GRIA1: variants seen among roughly 807,000 people sequenced by gnomAD.
The protein encoded by GRIA1 is glutamate receptor 1.
Under a neutral mutation model 99.2 loss-of-function variants are expected in GRIA1, and 31 were observed. The ratio of observed to expected loss-of-function variants is 0.31; its 90% CI spans 0.23 to 0.42. The LOEUF (loss-of-function observed/expected upper bound fraction) is 0.42, where lower values mean the gene tolerates loss of function less well. GRIA1 is among the 10% of genes least tolerant of loss of function. The probability of loss-of-function intolerance (pLI) is 1.00; values close to 1 mark genes in which losing one functional copy is unlikely to be tolerated. For missense variants in GRIA1, 782 were observed against 1,157.5 expected, an observed-to-expected ratio of 0.68 and a Z score of 4.71; for synonymous variants, 438 against 432.4, an observed-to-expected ratio of 1.01 and a Z score of -0.16.
rs1766545398 is a variant in GRIA1, at chr5:153,807,845, C to G, written c.2521-3180C>G. On this transcript the variant is annotated intron_variant, in intron 15 of 15. Transcript: ENST00000285900. ...GCAAAGTATTATTCACCACCTCATT[C>G]CCAAAGGAAAATAATCCCCAGCCTC... is the stretch of plus-strand genomic sequence containing the variant. 2.0e-5 allele frequency among the ~76,000 whole-genome samples: 3 copies of G among 152,196 alleles called. No individual in the cohort carries two copies. The South Asian group carries it at 6.2e-4, about 31-fold the overall frequency.
In GRIA1 at chr5:153,518,116, A is replaced by G. The variant is rs138854170; in HGVS notation, c.220+24051A>G. Among the ~76,000 whole-genome samples the G allele has an allele frequency of 2.7e-3, 417 of 152,300 alleles. 1 individual carries two copies. The highest frequency in any genetic ancestry group is 9.5e-3 in the African/African-American group (395 of 41,558). On this transcript the variant is annotated intron_variant, in intron 2 of 15. Transcript: ENST00000285900. ...CTATTCAGGTCCCAATTCCCACGTTACTTTCTCAGAGAGTGTTCCCTGAAC... is the reference window on the plus strand; with the variant it reads ...CTATTCAGGTCCCAATTCCCACGTTGCTTTCTCAGAGAGTGTTCCCTGAAC...
At position 153,701,619 on chromosome 5, in the gene GRIA1, CAA is replaced by C. The variant is rs70978504; in HGVS notation, c.1452+2568_1452+2569del. ...CTGGGCGACAAAGCGAGACCCGTCT[CAA>C]AAAAAAAAAAAAAAAAAAAAATACT... is the stretch of plus-strand genomic sequence containing the variant. On this transcript the variant is annotated intron_variant, in intron 10 of 15. Coordinates refer to ENST00000285900, the MANE Select transcript of GRIA1 (RefSeq NM_000827.4). Among the ~76,000 whole-genome samples the C allele has an allele frequency of 2.8e-3, 109 of 39,402 alleles. 2 individuals carry two copies. Among genetic ancestry groups the C allele is most frequent in the Admixed American group, 5.4e-3 (13 of 2,404 alleles). The allele number at this position is 39,402 out of a possible 152,430, so 25.8% of individuals were successfully genotyped here. A position where few individuals can be genotyped will look rare whatever the true frequency, so the allele number is the denominator to read the frequency against.
chr5:153,610,752 T>C (rs1765909794), intron 2 of GRIA1, among the ~76,000 whole-genome samples: 2 of 152,208 alleles, frequency 1.3e-5, no homozygotes, highest in African/African-American at 4.8e-5. Flanking sequence ...TCCAAGGGTT[T>C]TTGTGAGGAT....
intron 2 of GRIA1, among the ~76,000 whole-genome samples, chr5:153,596,215 A>ACAAGG (rs959446007): frequency 4.6e-5 from 7 of 152,240 alleles, no homozygotes; most frequent in African/African-American, 9.6e-5. Context: ...ACAGGGTATA[A>ACAAGG]CAAGTATGCA....
chr5:153,695,444 C>T (rs1253219301), intron 8 of GRIA1, among the ~76,000 whole-genome samples: 2 of 152,136 alleles, frequency 1.3e-5, no homozygotes, highest in African/African-American at 2.4e-5. Context: ...ATGAGGAAGC[C>T]AGAGCTCTCT....
rs1407515360 is a variant in GRIA1, at chr5:153,534,195, C to T, written c.220+40130C>T. Reference sequence around the variant, plus strand: ...TCCTTTTTTCTTTTTTCTGTGCCTCCTCTCCTTACTTTCCTCTGAAACTTA... The same window carrying T: ...TCCTTTTTTCTTTTTTCTGTGCCTCTTCTCCTTACTTTCCTCTGAAACTTA... On this transcript the variant is annotated intron_variant, in intron 2 of 15. Transcript: ENST00000285900. Among the ~76,000 whole-genome samples, 3 of 152,334 alleles carry T rather than the reference C, an allele frequency of 2.0e-5. No individual in the cohort carries two copies. The South Asian group carries it at 6.2e-4, about 32-fold the overall frequency.
At chr5:153,625,872 T>C (rs1767550417) in intron 2 of GRIA1, among the ~76,000 whole-genome samples, 1 of 152,212 alleles carries the variant, frequency 6.6e-6, no homozygotes, top group Non-Finnish European at 1.5e-5. Context: ...ATTCTGTATA[T>C]GAGGAAACTG....
intron 5 of GRIA1, among the ~76,000 whole-genome samples, chr5:153,661,429 T>C (rs1755363228): frequency 6.6e-6 from 1 of 152,190 alleles, no homozygotes; most frequent in Non-Finnish European, 1.5e-5. Flanking sequence ...CTAAGTGAGA[T>C]CCCTCAACGC....
At chr5:153,774,060 C>T (rs1375939475) in intron 13 of GRIA1, among the ~76,000 whole-genome samples, 2 of 72,564 alleles carry the variant, frequency 2.8e-5, no homozygotes, top group African/African-American at 5.4e-5. Context: ...CTCTCCTACA[C>T]CCCAACCCCC....
intron 2 of GRIA1, among the ~76,000 whole-genome samples, chr5:153,580,897 T>G (rs1561660554): frequency 6.6e-6 from 1 of 152,206 alleles, no homozygotes; most frequent in Non-Finnish European, 1.5e-5. Flanking sequence ...CTGACTTTGA[T>G]GTTGCACGTG....
At chr5:153,524,496 G>C (rs6881652) in intron 2 of GRIA1, among the ~76,000 whole-genome samples, 4 of 152,154 alleles carry the variant, frequency 2.6e-5, no homozygotes, top group African/African-American at 9.7e-5. Context: ...CATCTATAAG[G>C]ATGAATAAAC....
intron 13 of GRIA1, among the ~76,000 whole-genome samples, chr5:153,778,190 AGAGTGTGT>A (rs202007416): frequency 0.072 from 10,119 of 141,286 alleles, 369 homozygotes; most frequent in Non-Finnish European, 0.089. Flanking sequence ...AGAGAGAGAG[AGAGTGTGT>A]GTGTGTGTGT....
intron 11 of GRIA1, among the ~76,000 whole-genome samples, chr5:153,714,608 C>G (rs776629800): frequency 6.6e-6 from 1 of 152,224 alleles, no homozygotes; most frequent in African/African-American, 2.4e-5. Flanking sequence ...TATATGGCAT[C>G]TGTGACCAAG....
intron 2 of GRIA1, among the ~76,000 whole-genome samples, chr5:153,597,087 CTTT>C (rs901959001): frequency 4.6e-5 from 7 of 152,202 alleles, no homozygotes; most frequent in African/African-American, 1.7e-4. Context: ...AGGAAAGCTT[CTTT>C]AAGGTCCTTT....
At chr5:153,648,170 A>G (rs1754296569) in intron 3 of GRIA1, among the ~76,000 whole-genome samples, 1 of 152,192 alleles carries the variant, frequency 6.6e-6, no homozygotes, top group African/African-American at 2.4e-5. Flanking sequence ...GCAGTTAGGC[A>G]GGCGTCGTTC....
At chr5:153,503,516 G>C (rs2113257300) in intron 2 of GRIA1, among the ~76,000 whole-genome samples, 1 of 152,262 alleles carries the variant, frequency 6.6e-6, no homozygotes, top group South Asian at 2.1e-4. Flanking sequence ...ATGCACATAA[G>C]TAAAATGTAA....
intron 14 of GRIA1, among the ~76,000 whole-genome samples, chr5:153,801,958 G>T (rs1766062592): frequency 1.4e-5 from 2 of 145,002 alleles, no homozygotes; most frequent in Admixed American, 1.4e-4. Flanking sequence ...GGGGCGGGGG[G>T]GGGCGGGGGG....
At chr5:153,720,851 T>C (rs1356506835) in intron 11 of GRIA1, among the ~76,000 whole-genome samples, 2 of 152,140 alleles carry the variant, frequency 1.3e-5, no homozygotes, top group African/African-American at 4.8e-5. Context: ...AAAGAATACA[T>C]AGAAATAAGG....
chr5:153,582,796 T>A (rs144892951), intron 2 of GRIA1, among the ~76,000 whole-genome samples: 203 of 152,080 alleles, frequency 1.3e-3, no homozygotes, highest in African/African-American at 4.7e-3. Context: ...CTGACTTTTA[T>A]TTGTTTGTTT....
Sources: gnomAD v4.1 joint callset for allele counts (sites outside exome capture counted in the v4.1 genomes callset) on GRCh38, gnomAD v4.1.1 for gene constraint, MANE v1.5 for transcripts, NCBI Gene and HGNC (gene_info 2026-07-23, HGNC 2026-07-21) for gene names.